Variants in ASXL3 observed in about 807,000 individuals in gnomAD.
ASXL3 encodes putative Polycomb group protein ASXL3.
Under a neutral mutation model 170.6 loss-of-function variants are expected in ASXL3, and 34 were observed. The observed-to-expected ratio is 0.20, with a 90% confidence interval of 0.15 to 0.27. ASXL3 has a LOEUF of 0.27. ASXL3 is among the 10% of genes least tolerant of loss of function. The pLI, the probability that ASXL3 is intolerant of heterozygous loss-of-function variation, is 1.00. For missense variants in ASXL3, 2,592 were observed against 2,695.3 expected (o/e 0.96, Z 0.85); for synonymous variants, 1,002 against 989.1 (o/e 1.01, Z -0.24).
chr18:33,635,390 C>A (rs1251420413), intron 2 of ASXL3, among the ~76,000 whole-genome samples: 1 of 152,188 alleles, frequency 6.6e-6, no homozygotes, highest in Non-Finnish European at 1.5e-5. Flanking sequence ...GATCTTTTCT[C>A]CCCTTTTCTT....
chr18:33,673,001 C>T (rs1393295266), intron 7 of ASXL3, among the ~76,000 whole-genome samples: 1 of 152,122 alleles, frequency 6.6e-6, no homozygotes, highest in Non-Finnish European at 1.5e-5. Flanking sequence ...TAGTTATTCT[C>T]TATCCCAAAA....
At chr18:33,711,372 A>G (rs561550444) in intron 8 of ASXL3, among the ~76,000 whole-genome samples, 5 of 152,306 alleles carry the variant, frequency 3.3e-5, no homozygotes, top group African/African-American at 1.2e-4. Context: ...TGCTTTAAAA[A>G]TATATGTGAT....
At chr18:33,712,462 G>A (rs909440148) in intron 8 of ASXL3, among the ~76,000 whole-genome samples, 3 of 152,152 alleles carry the variant, frequency 2.0e-5, no homozygotes, top group African/African-American at 7.2e-5. Context: ...ATTGGGGAAG[G>A]AGCCAGTCAT....
intron 8 of ASXL3, among the ~76,000 whole-genome samples, chr18:33,697,442 T>G (rs915454208): frequency 6.6e-6 from 1 of 152,052 alleles, no homozygotes; most frequent in Non-Finnish European, 1.5e-5. Context: ...AAAGAGAGCT[T>G]CTGAGCTGGC....
chr18:33,633,632 G>A (rs151155402), intron 2 of ASXL3, among the ~76,000 whole-genome samples: 7 of 151,846 alleles, frequency 4.6e-5, no homozygotes, highest in East Asian at 1.9e-4. Flanking sequence ...TCATGAGGTC[G>A]GGAGATTGAG....
In ASXL3 at chr18:33,670,152, A is replaced by T. The variant is rs565680866; in HGVS notation, c.478-521A>T. 6.6e-5 allele frequency among the ~76,000 whole-genome samples: 10 copies of T among 152,300 alleles called. No homozygotes were observed. In the South Asian group the frequency reaches 8.3e-4, roughly 13 times the overall value. On this transcript the variant is annotated intron_variant, in intron 5 of 11. Coordinates refer to ENST00000269197, the MANE Select transcript of ASXL3 (RefSeq NM_030632.3). ...TTCACAGAAATAAATGATTCCTGCC[A>T]TGTTGAGTGATTTTGTGCAGTGCTC...
chr18:33,737,615 G>C (rs1276265618), intron 10 of ASXL3, among the ~76,000 whole-genome samples: 1 of 152,092 alleles, frequency 6.6e-6, no homozygotes, highest in Non-Finnish European at 1.5e-5. Flanking sequence ...TTTACAGTAA[G>C]AGATCTGCAT....
chr18:33,734,481 C>T, intron 10 of ASXL3, 66 bp downstream of exon 10: 1 of 1,031,540 alleles, frequency 9.7e-7, no homozygotes, highest in Non-Finnish European at 1.4e-6. Context: ...CTCTGCTTCA[C>T]ATAGCACACT....
rs569435246 is a variant in ASXL3, at chr18:33,640,785, A to G, written c.138-4109A>G. Among the ~76,000 whole-genome samples, 3 of 152,132 alleles carry G rather than the reference A, an allele frequency of 2.0e-5. No homozygotes were observed. In the East Asian group the frequency reaches 5.8e-4, roughly 29 times the overall value. Reference sequence around the variant, plus strand: ...AAAGAATGAGCATATAATTGTTTATATTAATTTATATTAATAGCACTAAGC... The same window carrying G: ...AAAGAATGAGCATATAATTGTTTATGTTAATTTATATTAATAGCACTAAGC... On this transcript the variant is annotated intron_variant, in intron 2 of 11. Coordinates refer to ENST00000269197, the MANE Select transcript of ASXL3 (RefSeq NM_030632.3).
intron 8 of ASXL3, among the ~76,000 whole-genome samples, chr18:33,711,724 G>C (rs369511076): frequency 3.3e-5 from 5 of 152,160 alleles, no homozygotes; most frequent in South Asian, 4.1e-4. Flanking sequence ...TAGATCACTC[G>C]GTGTCTGGGA....
chr18:33,622,587 G>T (rs115281299), intron 2 of ASXL3, among the ~76,000 whole-genome samples: 2 of 152,216 alleles, frequency 1.3e-5, no homozygotes, highest in African/African-American at 4.8e-5. Context: ...CTGAAGGTGG[G>T]TAGTCCTATG....
At chr18:33,626,631 T>G (rs1171362889) in intron 2 of ASXL3, 1 of 152,064 alleles carries the variant, frequency 6.6e-6, no homozygotes, top group Non-Finnish European at 1.5e-5. Context: ...CAGGACAAAC[T>G]ATTTTCCATT....
At chr18:33,729,199 G>A (rs1420507575) in intron 8 of ASXL3, among the ~76,000 whole-genome samples, 2 of 152,204 alleles carry the variant, frequency 1.3e-5, no homozygotes, top group Non-Finnish European at 2.9e-5. Flanking sequence ...AGGGAAGAGA[G>A]AAGCCCTTTG....
At chr18:33,653,282 C>T (rs1285385781) in intron 4 of ASXL3, among the ~76,000 whole-genome samples, 1 of 152,040 alleles carries the variant, frequency 6.6e-6, no homozygotes, top group East Asian at 1.9e-4. Flanking sequence ...TGACCAACTA[C>T]CTGGCAGCCA....
chr18:33,749,602 A>G lies in ASXL3; in HGVS notation c.*3007A>G, dbSNP rs2067852878. ...AGTTAATGGGCATGTTAATAAGAGC[A>G]TTGTGATGCAAATTCATTTTCAAAA... is the stretch of plus-strand genomic sequence containing the variant. On this transcript the variant is annotated 3_prime_UTR_variant, in exon 12 of 12. Coordinates refer to ENST00000269197, the MANE Select transcript of ASXL3 (RefSeq NM_030632.3). The G allele has an allele frequency of 6.6e-6, 1 of 152,210 alleles. No individual in the cohort carries two copies. Among genetic ancestry groups the G allele is most frequent in the Non-Finnish European group, 1.5e-5 (1 of 68,046 alleles). The allele number at this position is 152,210 out of a possible 1,614,324, so 9.4% of individuals were successfully genotyped here.
intron 1 of ASXL3, among the ~76,000 whole-genome samples, chr18:33,590,938 TG>T (rs1248828722): frequency 6.6e-6 from 1 of 152,216 alleles, no homozygotes; most frequent in South Asian, 2.1e-4. Flanking sequence ...ACCTTCTGGA[TG>T]AAAGTAAATA....
At chr18:33,657,578 A>G (rs1005878259) in intron 4 of ASXL3, among the ~76,000 whole-genome samples, 4 of 152,078 alleles carry the variant, frequency 2.6e-5, no homozygotes, top group African/African-American at 9.7e-5. Context: ...AGTATTTTCA[A>G]GTTGAATGGT....
intron 11 of ASXL3, 22 bp downstream of exon 11, chr18:33,740,465 A>G (rs776420012): frequency 5.3e-6 from 8 of 1,504,946 alleles, no homozygotes; most frequent in Non-Finnish European, 6.2e-6. Flanking sequence ...AATAAACAAA[A>G]GGCAATTCCG....
intron 5 of ASXL3, among the ~76,000 whole-genome samples, chr18:33,664,341 C>T (rs1206270154): frequency 6.6e-6 from 1 of 152,114 alleles, no homozygotes; most frequent in Non-Finnish European, 1.5e-5. Context: ...ATTTTTGATG[C>T]TATCCAAGAA....
Sources: allele counts gnomAD v4.1 joint callset (sites outside exome capture counted in the v4.1 genomes callset), GRCh38; gene constraint gnomAD v4.1.1; transcripts MANE v1.5; gene names NCBI Gene and HGNC (gene_info 2026-07-23, HGNC 2026-07-21).